Variants in AZIN2 observed in about 807,000 individuals in gnomAD.
The protein encoded by AZIN2 is antizyme inhibitor 2, also known as ODC antizyme inhibitor-2.
AZIN2 carries 28 observed loss-of-function variants against 47.8 expected under a neutral mutation model. That is an observed-to-expected ratio of 0.59 (90% CI 0.43 to 0.80). The LOEUF (loss-of-function observed/expected upper bound fraction) is 0.80. Among genes scored for constraint, AZIN2 ranks in the 30% least tolerant of loss-of-function variants. The probability of loss-of-function intolerance (pLI) is 0.00; values close to 1 mark genes in which losing one functional copy is unlikely to be tolerated. For missense variants in AZIN2, 535 were observed against 582.5 expected (o/e 0.92, Z 0.84); for synonymous variants, 221 against 239.4 (o/e 0.92, Z 0.71).
chr1:33,139,145 T>C, the AZIN2 span, among the ~76,000 whole-genome samples: 2 of 152,166 alleles, frequency 1.3e-5, no homozygotes, highest in African/African-American at 4.8e-5. Flanking sequence ...AGCAAACAAA[T>C]AACTTTCCTA....
At chr1:33,101,735 C>A in intron 10 of AZIN2, 1 of 656,884 alleles carries the variant, frequency 1.5e-6, no homozygotes, top group Non-Finnish European at 2.8e-6. Context: ...ATCTATTCCT[C>A]GAGTGTATTT....
At chr1:33,166,541 C>A in the AZIN2 span, among the ~76,000 whole-genome samples, 1 of 152,088 alleles carries the variant, frequency 6.6e-6, no homozygotes, top group Non-Finnish European at 1.5e-5. Context: ...CTCAGTAACC[C>A]TAAGGGAGGC....
At position 33,120,204 on chromosome 1, in the gene AZIN2, G is replaced by A. The variant is rs374309192; in HGVS notation, c.*22G>A. On this transcript the variant is annotated 3_prime_UTR_variant, in exon 12 of 12. Coordinates refer to ENST00000294517, the MANE Select transcript of AZIN2 (RefSeq NM_052998.4). ...GTGAGTGGGCCTCGTTCCCCCCGGAGAATCCCAGCGGGGCCTCAGAGATGC... is the reference window on the plus strand; with the variant it reads ...GTGAGTGGGCCTCGTTCCCCCCGGAAAATCCCAGCGGGGCCTCAGAGATGC... 5.1e-6 allele frequency: 8 copies of A among 1,583,894 alleles called. No individual in the cohort carries two copies. The highest frequency in any genetic ancestry group is 6.9e-6 in the Non-Finnish European group (8 of 1,158,772).
Position 33,092,072 on chromosome 1 carries a change from A to G in AZIN2, c.302A>G (p.His101Arg), listed in dbSNP as rs759803352. Residue 101 changes from histidine (H) to arginine (R), a missense_variant, in exon 6 of 12, where the codon CAT becomes CGT. His to Arg is a conservative substitution (Grantham distance 29). Around this residue, in one of 3 missense-constraint regions of AZIN2, gnomAD observed 409 missense variants for 429.0 expected, o/e 0.95. Coordinates refer to ENST00000294517, the MANE Select transcript of AZIN2 (RefSeq NM_052998.4). ...TAGGCAGAGATGGAGTTGGTCCAGC[A>G]TATTGGAATCCCTGCCAGTAAGATC... ...ANKAEMELVQ[H>R]IGIPASKIIC... is the part of the protein sequence containing the mutation. The G allele has an allele frequency of 4.3e-6, 7 of 1,614,100 alleles. No individual in the cohort carries two copies. Among genetic ancestry groups the G allele is most frequent in the Non-Finnish European group, 5.9e-6 (7 of 1,179,984 alleles).
chr1:33,127,254 G>T (rs1644863026), downstream of AZIN2, among the ~76,000 whole-genome samples: 1 of 152,240 alleles, frequency 6.6e-6, no homozygotes, highest in Admixed American at 6.5e-5. Flanking sequence ...TCCAGCCACC[G>T]GAACCCCCAG....
At chr1:33,148,704 T>C in the AZIN2 span, among the ~76,000 whole-genome samples, 1 of 152,250 alleles carries the variant, frequency 6.6e-6, no homozygotes, top group Non-Finnish European at 1.5e-5. Flanking sequence ...CACTTGAAAT[T>C]GTGAAAAGGT....
At chr1:33,093,731 CT>C (rs776963959) in intron 7 of AZIN2, among the ~76,000 whole-genome samples, 1,514 of 134,596 alleles carry the variant, frequency 0.011, 18 homozygotes, top group African/African-American at 0.026. Flanking sequence ...TTCTTTCTTT[CT>C]TTTTTTTTTT....
At chr1:33,160,076 G>T in the AZIN2 span, 2 of 1,165,156 alleles carry the variant, frequency 1.7e-6, no homozygotes, top group Non-Finnish European at 2.4e-6. Context: ...TGGGGGAAAT[G>T]TCACATGCAA....
intron 10 of AZIN2, among the ~76,000 whole-genome samples, chr1:33,108,342 C>CTTTTTT (rs34834263): frequency 7.4e-6 from 1 of 134,758 alleles, no homozygotes; most frequent in South Asian, 2.4e-4. Context: ...TTCAGATTGA[C>CTTTTTT]TTTTTTTTTT....
At chr1:33,140,997 GC>G in the AZIN2 span, among the ~76,000 whole-genome samples, 1 of 152,276 alleles carries the variant, frequency 6.6e-6, no homozygotes, top group African/African-American at 2.4e-5. This position sits in a 1 kb window ranked among gnomAD's most constrained non-coding sequence, Gnocchi z 4.0. Context: ...CTTGGATCTG[GC>G]CCTGACTGTG....
the AZIN2 span, among the ~76,000 whole-genome samples, chr1:33,135,942 C>T: frequency 6.6e-6 from 1 of 152,054 alleles, no homozygotes; most frequent in South Asian, 2.1e-4. Context: ...CCCTCCCTCC[C>T]CACCCTGCCG....
intron 10 of AZIN2, among the ~76,000 whole-genome samples, chr1:33,104,217 T>C (rs899916287): frequency 5.3e-5 from 8 of 152,232 alleles, no homozygotes; most frequent in Non-Finnish European, 1.2e-4. Flanking sequence ...TTGACAAGGA[T>C]AAACCATTTT....
At chr1:33,147,699 G>C in the AZIN2 span, 1 of 1,613,102 alleles carries the variant, frequency 6.2e-7, no homozygotes. The surrounding 1 kb of genome is among the most constrained non-coding windows in gnomAD (Gnocchi z 8.1). Flanking sequence ...GGTGGGCTGT[G>C]CCCGGGTCCA....
At position 33,089,453 on chromosome 1, in the gene AZIN2, TA is replaced by T. The variant is rs887399562; in HGVS notation, c.280-2588del. On this transcript the variant is annotated intron_variant, in intron 5 of 11. Transcript: ENST00000294517. Reference sequence around the variant, plus strand: ...TCTCTAATTAAAAAATATATATATTTAAAAAAAAATTATAATCAAAGCTCAA... The same window carrying T: ...TCTCTAATTAAAAAATATATATATTTAAAAAAAATTATAATCAAAGCTCAA... 1.5e-3 allele frequency among the ~76,000 whole-genome samples: 231 copies of T among 151,646 alleles called. 1 individual carries two copies. The highest frequency in any genetic ancestry group is 4.9e-3 in the African/African-American group (203 of 41,344).
intron 9 of AZIN2, 70 bp downstream of exon 9, chr1:33,096,939 T>A (rs1643220316): frequency 1.9e-6 from 3 of 1,598,470 alleles, no homozygotes. Flanking sequence ...CTGAGCAGGA[T>A]CTGGTTTTAG....
the AZIN2 span, chr1:33,165,493 T>C: frequency 1.4e-5 from 23 of 1,608,090 alleles, no homozygotes; most frequent in African/African-American, 2.3e-4. The surrounding 1 kb of genome is among the most constrained non-coding windows in gnomAD (Gnocchi z 4.0). Flanking sequence ...CAGTTGTCGC[T>C]TGAGCAGCTG....
chr1:33,085,071 A>C (rs1267292994), intron 5 of AZIN2, among the ~76,000 whole-genome samples: 1 of 152,136 alleles, frequency 6.6e-6, no homozygotes, highest in African/African-American at 2.4e-5. Context: ...AAAGCATTTA[A>C]GCTATAAAGT....
At chr1:33,097,533 C>T (rs1321839982) in intron 9 of AZIN2, among the ~76,000 whole-genome samples, 1 of 152,190 alleles carries the variant, frequency 6.6e-6, no homozygotes, top group Non-Finnish European at 1.5e-5. Context: ...TTGCCCTCTG[C>T]TCTGGGACCC....
the AZIN2 span, among the ~76,000 whole-genome samples, chr1:33,150,653 GA>G: frequency 6.6e-6 from 1 of 152,218 alleles, no homozygotes; most frequent in Non-Finnish European, 1.5e-5. Flanking sequence ...CCTGTGGTCT[GA>G]CTGGCCACAG....
Sources: allele counts gnomAD v4.1 joint callset (sites outside exome capture counted in the v4.1 genomes callset), GRCh38; gene constraint gnomAD v4.1.1; regional missense constraint gnomAD v4.1.1; non-coding constraint Gnocchi (gnomAD v3.1); transcripts MANE v1.5; gene names NCBI Gene and HGNC (gene_info 2026-07-23, HGNC 2026-07-21).